Variants in SIPA1L2 observed in about 807,000 individuals in gnomAD.
SIPA1L2 encodes signal-induced proliferation-associated 1-like protein 2.
A neutral mutation model predicts 163.9 loss-of-function variants in SIPA1L2; 56 were observed. That is an observed-to-expected ratio of 0.34 (90% CI 0.28 to 0.43). The LOEUF is 0.43. SIPA1L2 is among the 20% of genes least tolerant of loss of function. SIPA1L2 has a pLI of 1.00. For missense variants in SIPA1L2, 1,974 were observed against 2,193.5 expected (o/e 0.90, Z 2.00); for synonymous variants, 877 against 865.7 (o/e 1.01, Z -0.23).
chr1:232,530,626 C>T (rs1253204821), intron 2 of SIPA1L2, among the ~76,000 whole-genome samples: 2 of 152,074 alleles, frequency 1.3e-5, no homozygotes, highest in Non-Finnish European at 2.9e-5. Context: ...CAGCGGTTCC[C>T]AAATCTGACT....
At chr1:232,507,476 G>GT (rs1666781328) in intron 3 of SIPA1L2, among the ~76,000 whole-genome samples, 1 of 152,226 alleles carries the variant, frequency 6.6e-6, no homozygotes, top group Admixed American at 6.5e-5. Flanking sequence ...CCTTTTGCAA[G>GT]TGAGTCACTA....
chr1:232,424,770 G>T (rs1406564000), intron 18 of SIPA1L2, among the ~76,000 whole-genome samples: 1 of 152,068 alleles, frequency 6.6e-6, no homozygotes, highest in Non-Finnish European at 1.5e-5. Context: ...TTTAGCCTGG[G>T]ACTTCTAAGT....
At chr1:232,581,643 T>C (rs182885225) in intron 1 of SIPA1L2, among the ~76,000 whole-genome samples, 41 of 152,350 alleles carry the variant, frequency 2.7e-4, no homozygotes, top group African/African-American at 9.1e-4. Context: ...AACTATACTA[T>C]GTGTAACTTA....
chr1:232,513,023 C>T (rs2103041772), intron 3 of SIPA1L2, among the ~76,000 whole-genome samples: 2 of 152,224 alleles, frequency 1.3e-5, no homozygotes, highest in South Asian at 4.1e-4. Context: ...GTAAGCTGCA[C>T]TATAATGAAG....
chr1:232,489,699 T>TA (rs1665830729), intron 5 of SIPA1L2, among the ~76,000 whole-genome samples: 1 of 152,168 alleles, frequency 6.6e-6, no homozygotes, highest in Non-Finnish European at 1.5e-5. Flanking sequence ...AACCAAGAAA[T>TA]ACCTCATATT....
intron 18 of SIPA1L2, among the ~76,000 whole-genome samples, chr1:232,425,161 C>G (rs1054999403): frequency 8.5e-5 from 13 of 152,156 alleles, no homozygotes; most frequent in African/African-American, 2.7e-4. Context: ...CTCCCCATCT[C>G]CAGGTACTGA....
At position 232,514,552 on chromosome 1, in the gene SIPA1L2, T is replaced by C. The variant is rs2103045522; in HGVS notation, c.788A>G (p.Tyr263Cys). 2.5e-6 allele frequency: 4 copies of C among 1,614,194 alleles called. No individual in the cohort carries two copies. Among genetic ancestry groups the C allele is most frequent in the Non-Finnish European group, 3.4e-6 (4 of 1,180,024 alleles). The change falls in exon 3 of 23, where the codon TAT becomes TGT. Residue 263 changes from tyrosine to cysteine, a missense_variant. Tyr to Cys is a radical substitution (Grantham distance 194). Coordinates refer to ENST00000674635, the MANE Select transcript of SIPA1L2 (RefSeq NM_020808.5). The stretch of plus-strand genomic sequence containing the variant: ...CCCCATCAGGAGGGCACTGTCCACA[T>C]AATCTAATCCTGAGATGCGGACAAA... Reference protein sequence around the residue: ...GEFVRISGLDYVDSALLMGRD... With the variant: ...GEFVRISGLDCVDSALLMGRD...
chr1:232,597,570 G>C (rs965668149), intron 1 of SIPA1L2, among the ~76,000 whole-genome samples: 2 of 150,582 alleles, frequency 1.3e-5, no homozygotes, highest in Non-Finnish European at 1.5e-5. Context: ...GGCGTCTGTA[G>C]TCCCAGCTAC....
At chr1:232,600,650 A>G (rs975287914) in intron 1 of SIPA1L2, among the ~76,000 whole-genome samples, 12 of 152,328 alleles carry the variant, frequency 7.9e-5, no homozygotes, top group Middle Eastern at 3.4e-3. Flanking sequence ...GTTGGATGAC[A>G]TAATGTGGTT....
At chr1:232,602,371 GC>G (rs1165669898) in intron 1 of SIPA1L2, among the ~76,000 whole-genome samples, 2 of 152,078 alleles carry the variant, frequency 1.3e-5, no homozygotes, top group African/African-American at 4.8e-5. Context: ...TCACTCTGTT[GC>G]CCAAGCTGGA....
intron 18 of SIPA1L2, among the ~76,000 whole-genome samples, chr1:232,416,780 G>A (rs2102784268): frequency 6.6e-6 from 1 of 152,340 alleles, no homozygotes; most frequent in South Asian, 2.1e-4. Context: ...TTTTATCAAT[G>A]GCTAAAGCAG....
At chr1:232,444,291 C>A (rs1663076366) in intron 11 of SIPA1L2, among the ~76,000 whole-genome samples, 1 of 152,092 alleles carries the variant, frequency 6.6e-6, no homozygotes, top group African/African-American at 2.4e-5. Flanking sequence ...ATTAGAATTA[C>A]TTAAGTAAAT....
At chr1:232,492,331 G>C (rs1275403794) in intron 4 of SIPA1L2, among the ~76,000 whole-genome samples, 2 of 152,258 alleles carry the variant, frequency 1.3e-5, no homozygotes, top group East Asian at 3.9e-4. Context: ...GTGCTGGACA[G>C]ATCTAATTCT....
At chr1:232,521,712 T>C (rs1314662220) in intron 2 of SIPA1L2, among the ~76,000 whole-genome samples, 3 of 152,214 alleles carry the variant, frequency 2.0e-5, no homozygotes, top group African/African-American at 7.2e-5. Context: ...TGGAGCACAC[T>C]GATTCTCATT....
At chr1:232,524,021 C>T (rs1438269865) in intron 2 of SIPA1L2, among the ~76,000 whole-genome samples, 1 of 152,212 alleles carries the variant, frequency 6.6e-6, no homozygotes, top group Non-Finnish European at 1.5e-5. Flanking sequence ...ACTACTCACA[C>T]ACACTGAAAG....
Position 232,490,920 on chromosome 1 carries a change from T to G in SIPA1L2, c.1760A>C (p.Asn587Thr). ...CAGCTGCTCTGAGACCTTGGGTGAG[T>G]TGGAAGCCTGTCGCAAACACTGAAT... ...LSIQCLRQAS[N>T]SPKVSEQLLK... The change falls in exon 5 of 23, where the codon AAC becomes ACC. Residue 587 changes from asparagine to threonine, a missense_variant. Asn to Thr is a moderately conservative substitution (Grantham distance 65). This residue lies in a region of SIPA1L2 where 288 missense variants were observed against 418.9 expected (regional missense o/e 0.69). Coordinates refer to ENST00000674635, the MANE Select transcript of SIPA1L2 (RefSeq NM_020808.5). The G allele has an allele frequency of 1.2e-6, 2 of 1,614,036 alleles. No homozygotes were observed. Among genetic ancestry groups the G allele is most frequent in the African/African-American group, 1.3e-5 (1 of 75,002 alleles).
At chr1:232,615,129 A>T (rs1023979425) in intron 1 of SIPA1L2, among the ~76,000 whole-genome samples, 4 of 152,340 alleles carry the variant, frequency 2.6e-5, no homozygotes, top group African/African-American at 7.2e-5. Flanking sequence ...ACCACAAGAT[A>T]ACTCTAGAGA....
chr1:232,565,687 C>T (rs1017491810), intron 2 of SIPA1L2, among the ~76,000 whole-genome samples: 3 of 152,198 alleles, frequency 2.0e-5, no homozygotes, highest in Admixed American at 1.3e-4. Flanking sequence ...AGAAAATTAT[C>T]ACCTTTTACT....
In SIPA1L2 at chr1:232,564,085, C is replaced by T. The variant is rs1188352505; in HGVS notation, c.-270+10089G>A. On this transcript the variant is annotated intron_variant, in intron 2 of 22. Coordinates refer to ENST00000674635, the MANE Select transcript of SIPA1L2 (RefSeq NM_020808.5). ...TTCTTACAGGCATCAGCCACTGCTC[C>T]TGGCCAAGGAAGGTTTCATCATGTT... is the stretch of plus-strand genomic sequence containing the variant. Among the ~76,000 whole-genome samples the T allele has an allele frequency of 1.7e-5, 2 of 114,676 alleles. 1 individual carries two copies. The highest frequency in any genetic ancestry group is 8.5e-5 in the African/African-American group (2 of 23,522). The allele number at this position is 114,676 out of a possible 152,430, so 75.2% of individuals were successfully genotyped here. A position where few individuals can be genotyped will look rare whatever the true frequency, so the allele number is the denominator to read the frequency against.
Sources: gnomAD v4.1 joint callset for allele counts (sites outside exome capture counted in the v4.1 genomes callset) on GRCh38, gnomAD v4.1.1 for gene constraint, gnomAD v4.1.1 regional missense constraint, MANE v1.5 for transcripts, NCBI Gene and HGNC (gene_info 2026-07-23, HGNC 2026-07-21) for gene names.